NBAS: variants seen among roughly 807,000 people sequenced by gnomAD.
The protein encoded by NBAS is NBAS subunit of NRZ tethering complex, also known as NAG/BC035112 fusion.
NBAS carries 219 observed loss-of-function variants against 302.5 expected under a neutral mutation model. The observed-to-expected ratio is 0.72, with a 90% CI of 0.65 to 0.81. NBAS has a LOEUF of 0.81. Among genes scored for constraint, NBAS ranks in the 30% least tolerant of loss-of-function variants. The pLI, the probability that NBAS is intolerant of heterozygous loss-of-function variation, is 0.00. For synonymous variants in NBAS, 1,118 were observed against 1,021.6 expected (o/e 1.09, Z -1.80); for missense variants, 2,932 against 2,841.6 (o/e 1.03, Z -0.72).
At chr2:15,386,913 A>G (rs765101698) in intron 28 of NBAS, among the ~76,000 whole-genome samples, 4 of 152,000 alleles carry the variant, frequency 2.6e-5, no homozygotes, top group African/African-American at 4.8e-5. Flanking sequence ...TATTCTCTTC[A>G]TATTAATTGA....
At chr2:15,177,536 T>C (rs575314021) in intron 51 of NBAS, among the ~76,000 whole-genome samples, 1 of 151,954 alleles carries the variant, frequency 6.6e-6, no homozygotes, top group East Asian at 1.9e-4. Flanking sequence ...TTATGATGAA[T>C]ATGGAAAGGC....
At chr2:15,215,494 T>C (rs555621967) in intron 48 of NBAS, among the ~76,000 whole-genome samples, 1 of 152,334 alleles carries the variant, frequency 6.6e-6, no homozygotes, top group South Asian at 2.1e-4. Flanking sequence ...CAGTCACACA[T>C]TTTTTGGTAA....
intron 12 of NBAS, among the ~76,000 whole-genome samples, chr2:15,482,290 T>A (rs1220459898): frequency 6.6e-6 from 1 of 151,928 alleles, no homozygotes; most frequent in Non-Finnish European, 1.5e-5. Flanking sequence ...GCCACTTTTT[T>A]ATTTTTTGTA....
intron 14 of NBAS, among the ~76,000 whole-genome samples, chr2:15,474,806 C>A (rs1262972285): frequency 6.6e-6 from 1 of 152,116 alleles, no homozygotes; most frequent in Non-Finnish European, 1.5e-5. Context: ...ATTGATCCAC[C>A]CGCCTTGGCC....
chr2:15,135,155 C>T, the NBAS span, among the ~76,000 whole-genome samples: 10 of 152,244 alleles, frequency 6.6e-5, no homozygotes, highest in East Asian at 1.9e-4. Flanking sequence ...GTGGCTCTTA[C>T]GCAATAGATT....
At chr2:14,957,460 T>C in the NBAS span, among the ~76,000 whole-genome samples, 1 of 152,234 alleles carries the variant, frequency 6.6e-6, no homozygotes, top group African/African-American at 2.4e-5. Flanking sequence ...ATACCCACTA[T>C]CTTTGCATCA....
In NBAS at chr2:15,374,634, A is replaced by G; in HGVS notation, c.3677T>C (p.Phe1226Ser). 2 of 1,613,926 alleles carry G rather than the reference A, an allele frequency of 1.2e-6. No homozygotes were observed. Among genetic ancestry groups the G allele is most frequent in the Non-Finnish European group, 1.7e-6 (2 of 1,179,846 alleles). Residue 1226 changes from phenylalanine to serine, a missense_variant, in exon 31 of 52, where the codon TTT becomes TCT. By Grantham distance (155) the Phe-to-Ser change is radical (BLOSUM62 -2). Coordinates refer to ENST00000281513, the MANE Select transcript of NBAS (RefSeq NM_015909.4). ...TTGCAAAGGCAGGATCTTTACCCCA[A>G]ATTCTTCAAGACATCCAACGGCTTG... is the stretch of plus-strand genomic sequence containing the variant. ...LIQAVGCLEE[F>S]GVKILPLQVR...
At chr2:14,955,443 C>T in the NBAS span, among the ~76,000 whole-genome samples, 4 of 152,224 alleles carry the variant, frequency 2.6e-5, no homozygotes, top group Non-Finnish European at 5.9e-5. Context: ...ACAGCTCCAG[C>T]AGGCAGTGCC....
chr2:15,104,910 G>T, the NBAS span, among the ~76,000 whole-genome samples: 1 of 151,748 alleles, frequency 6.6e-6, no homozygotes, highest in African/African-American at 2.4e-5. Flanking sequence ...GCTTTTTCTT[G>T]TAAATTTGTT....
At chr2:15,136,707 T>C in the NBAS span, among the ~76,000 whole-genome samples, 2 of 152,214 alleles carry the variant, frequency 1.3e-5, no homozygotes, top group African/African-American at 4.8e-5. Flanking sequence ...CACCCAAATC[T>C]CAGCTTGAAT....
chr2:15,044,486 T>C, the NBAS span, among the ~76,000 whole-genome samples: 1 of 152,220 alleles, frequency 6.6e-6, no homozygotes, highest in Admixed American at 6.5e-5. Context: ...CAGGAAAGCA[T>C]ACTGACAAGG....
Position 15,337,860 on chromosome 2 carries a change from T to C in NBAS, c.4180-7095A>G, listed in dbSNP as rs185446489. 8.8e-4 allele frequency among the ~76,000 whole-genome samples: 134 copies of C among 152,318 alleles called. 1 individual carries two copies. The South Asian group carries it at 0.022, about 25-fold the overall frequency. ...AAGAAAAAAGAGGTTAGGCAAAACT[T>C]ACCCCCGAAATGATTACTACTGCCA... On this transcript the variant is annotated intron_variant, in intron 35 of 51. Transcript: ENST00000281513.
downstream of NBAS, among the ~76,000 whole-genome samples, chr2:15,165,958 G>A (rs6431683): frequency 4.2e-3 from 638 of 151,352 alleles, 1 homozygote; most frequent in Non-Finnish European, 7.4e-3. Context: ...TAGTGTAGAT[G>A]GATGCCTCCA....
intron 25 of NBAS, among the ~76,000 whole-genome samples, chr2:15,411,122 C>A (rs900968809): frequency 6.6e-6 from 1 of 152,186 alleles, no homozygotes; most frequent in African/African-American, 2.4e-5. Flanking sequence ...AACCGACTGG[C>A]CATGGCTGTG....
the NBAS span, among the ~76,000 whole-genome samples, chr2:14,853,929 G>C: frequency 9.1e-6 from 1 of 110,484 alleles, no homozygotes. Context: ...TGGTGGGGTG[G>C]GGGGAGGGGG....
Position 15,250,452 on chromosome 2 carries a change from A to C in NBAS, c.5725-11766T>G, listed in dbSNP as rs140232674. 7.0e-3 allele frequency among the ~76,000 whole-genome samples: 1,060 copies of C among 152,378 alleles called. 11 individuals carry two copies. The highest frequency in any genetic ancestry group is 0.023 in the African/African-American group (958 of 41,584). On this transcript the variant is annotated intron_variant, in intron 44 of 51. Coordinates refer to ENST00000281513, the MANE Select transcript of NBAS (RefSeq NM_015909.4). ...CAAAAGCAATGGCAACAAAAGCCGA[A>C]GTAGACAAATGGAATCTAACTAAAC...
the NBAS span, among the ~76,000 whole-genome samples, chr2:14,896,005 G>GAAA: frequency 3.1e-4 from 46 of 150,218 alleles, no homozygotes; most frequent in South Asian, 1.5e-3. Flanking sequence ...CTATAAAGGG[G>GAAA]AAAAAAAAAC....
At chr2:14,931,049 C>A in the NBAS span, among the ~76,000 whole-genome samples, 1 of 152,236 alleles carries the variant, frequency 6.6e-6, no homozygotes, top group East Asian at 1.9e-4. Context: ...AGTTCTGGGG[C>A]CCAAAGCCCT....
At chr2:15,395,021 G>C (rs1572777040) in intron 27 of NBAS, among the ~76,000 whole-genome samples, 1 of 152,022 alleles carries the variant, frequency 6.6e-6, no homozygotes, top group Non-Finnish European at 1.5e-5. Flanking sequence ...AAAGTCGCCT[G>C]GCATTATGTA....
Sources: allele counts gnomAD v4.1 joint callset (sites outside exome capture counted in the v4.1 genomes callset), GRCh38; gene constraint gnomAD v4.1.1; transcripts MANE v1.5; gene names NCBI Gene and HGNC (gene_info 2026-07-23, HGNC 2026-07-21).